CAMK1D: variants seen among roughly 807,000 people sequenced by gnomAD.
CAMK1D encodes calcium/calmodulin-dependent protein kinase type 1D.
A neutral mutation model predicts 47.7 loss-of-function variants in CAMK1D; 9 were observed. The ratio of observed to expected loss-of-function variants is 0.19; its 90% confidence interval spans 0.11 to 0.33. The LOEUF is 0.33. Among genes scored for constraint, CAMK1D ranks in the 10% least tolerant of loss-of-function variants. CAMK1D has a pLI of 1.00. For missense variants in CAMK1D, 291 were observed against 488.7 expected (o/e 0.60, Z 3.81); for synonymous variants, 184 against 184.9 (o/e 0.99, Z 0.04).
At chr10:12,364,237 CTTTTTTTTTTT>C (rs35224750) in intron 1 of CAMK1D, among the ~76,000 whole-genome samples, 1 of 65,316 alleles carries the variant, frequency 1.5e-5, no homozygotes, top group African/African-American at 5.6e-5. Context: ...TGCGCATTCT[CTTTTTTTTTTT>C]TTTTTTTTTT....
Position 12,414,639 on chromosome 10 carries a change from G to T in CAMK1D, c.92+64729G>T, listed in dbSNP as rs574291905. Among the ~76,000 whole-genome samples, 6 of 152,270 alleles carry T rather than the reference G, an allele frequency of 3.9e-5. No homozygotes were observed. The East Asian group carries it at 1.2e-3, about 29-fold the overall frequency. ...GTAGGCACCTTTCTGAAAATGTTCT[G>T]ATGAGCTTTCATCATTGTTTTGGAA... On this transcript the variant is annotated intron_variant, in intron 1 of 10. Coordinates refer to ENST00000619168, the MANE Select transcript of CAMK1D (RefSeq NM_153498.4).
chr10:12,691,871 G>T (rs376906494), intron 3 of CAMK1D, among the ~76,000 whole-genome samples: 1 of 152,044 alleles, frequency 6.6e-6, no homozygotes. Flanking sequence ...TGTGTAATTC[G>T]CGTTACATTT....
chr10:12,391,982 C>T (rs1303475808), intron 1 of CAMK1D, among the ~76,000 whole-genome samples: 4 of 130,532 alleles, frequency 3.1e-5, no homozygotes, highest in Non-Finnish European at 5.2e-5. Context: ...TTAAAACACA[C>T]ACACACACAC....
chr10:12,493,011 G>T (rs1182712957), intron 1 of CAMK1D, among the ~76,000 whole-genome samples: 3 of 152,236 alleles, frequency 2.0e-5, no homozygotes, highest in Admixed American at 6.5e-5. Context: ...CCTGGAAGGT[G>T]CAGGGTACTT....
chr10:12,727,348 C>T (rs913295081), intron 3 of CAMK1D, among the ~76,000 whole-genome samples: 1 of 152,210 alleles, frequency 6.6e-6, no homozygotes, highest in Non-Finnish European at 1.5e-5. Context: ...AAGCAGGCAT[C>T]ACTGGTCTGT....
intron 3 of CAMK1D, among the ~76,000 whole-genome samples, chr10:12,721,537 CATCCATCT>C (rs1834378037): frequency 1.3e-5 from 2 of 151,860 alleles, no homozygotes; most frequent in African/African-American, 2.4e-5. Flanking sequence ...TCCATCCATC[CATCCATCT>C]ATCCATCCAT....
intron 1 of CAMK1D, among the ~76,000 whole-genome samples, chr10:12,483,295 G>C (rs979824320): frequency 1.3e-5 from 2 of 151,052 alleles, no homozygotes; most frequent in Non-Finnish European, 3.0e-5. Flanking sequence ...TCAACCTCCT[G>C]GGCTCAAGCA....
intron 1 of CAMK1D, among the ~76,000 whole-genome samples, chr10:12,448,963 T>C (rs1427970555): frequency 2.6e-5 from 4 of 152,130 alleles, no homozygotes; most frequent in African/African-American, 9.7e-5. Context: ...TCTCATCGGA[T>C]GTTGTGATTT....
At chr10:12,374,498 C>T (rs1380640392) in intron 1 of CAMK1D, among the ~76,000 whole-genome samples, 1 of 152,170 alleles carries the variant, frequency 6.6e-6, no homozygotes, top group East Asian at 1.9e-4. Context: ...CAGAGCCCAC[C>T]ACTGATTCTT....
intron 1 of CAMK1D, among the ~76,000 whole-genome samples, chr10:12,374,691 C>A (rs1172744850): frequency 1.3e-5 from 2 of 151,976 alleles, no homozygotes; most frequent in African/African-American, 4.8e-5. Context: ...GCCTGTAATC[C>A]CAGCACTTTG....
intron 2 of CAMK1D, among the ~76,000 whole-genome samples, chr10:12,665,207 T>G (rs1564476599): frequency 6.6e-6 from 1 of 152,246 alleles, no homozygotes; most frequent in Non-Finnish European, 1.5e-5. Flanking sequence ...ATCTATTGTT[T>G]TAGCTCCTGC....
At chr10:12,667,257 T>G (rs551008038) in intron 3 of CAMK1D, among the ~76,000 whole-genome samples, 6 of 152,350 alleles carry the variant, frequency 3.9e-5, no homozygotes, top group Admixed American at 2.6e-4. Context: ...TTTCTTCCCT[T>G]GTATTATTCC....
At position 12,816,377 on chromosome 10, in the gene CAMK1D, G is replaced by C. The variant is rs189038634; in HGVS notation, c.833+49G>C. The C allele has an allele frequency of 6.3e-5, 93 of 1,465,188 alleles. 1 individual carries two copies. In the East Asian group the frequency reaches 1.7e-3, roughly 27 times the overall value. 90.8% of individuals were successfully genotyped at this position (1,465,188 alleles called of 1,614,324 possible). ...AGACCGTGCCATTTAATGCCATCTG[G>C]GGGGGGCACGAAACTTCCTGTTGGC... is the stretch of plus-strand genomic sequence containing the variant. On this transcript the variant is annotated intron_variant, in intron 8 of 10. Transcript: ENST00000619168.
intron 2 of CAMK1D, among the ~76,000 whole-genome samples, chr10:12,636,920 C>G (rs1371422760): frequency 6.6e-6 from 1 of 152,098 alleles, no homozygotes; most frequent in Non-Finnish European, 1.5e-5. Context: ...GAGGAGCCAC[C>G]GAGCACCAAA....
intron 1 of CAMK1D, among the ~76,000 whole-genome samples, chr10:12,548,182 G>A (rs1178808586): frequency 2.0e-5 from 3 of 152,150 alleles, no homozygotes; most frequent in Non-Finnish European, 4.4e-5. Flanking sequence ...GTAACTTCTT[G>A]TCTGCTTCAT....
At chr10:12,443,448 G>A (rs1401859247) in intron 1 of CAMK1D, among the ~76,000 whole-genome samples, 32 of 151,952 alleles carry the variant, frequency 2.1e-4, no homozygotes, top group Admixed American at 6.6e-5. Context: ...TCGTATAGTC[G>A]TGTTACAGGA....
chr10:12,677,917 A>T (rs1003672913), intron 3 of CAMK1D, among the ~76,000 whole-genome samples: 6 of 152,136 alleles, frequency 3.9e-5, no homozygotes, highest in African/African-American at 1.4e-4. Context: ...TCTGGTTGCT[A>T]CTGCTGCTGC....
rs530824487 is a variant in CAMK1D, at chr10:12,696,341, A to C, written c.299+29531A>C. 1.7e-4 allele frequency among the ~76,000 whole-genome samples: 26 copies of C among 152,278 alleles called. 1 individual carries two copies. Among genetic ancestry groups the C allele is most frequent in the Admixed American group, 1.4e-3 (22 of 15,284 alleles). ...CACTTGAGGTCAGGAGTTTGAGATC[A>C]GCCTGACCAACAAGGCGAAACCCCG... On this transcript the variant is annotated intron_variant, in intron 3 of 10. Transcript: ENST00000619168.
At chr10:12,442,202 C>G (rs1041967511) in intron 1 of CAMK1D, among the ~76,000 whole-genome samples, 6 of 152,148 alleles carry the variant, frequency 3.9e-5, no homozygotes, top group African/African-American at 1.4e-4. Flanking sequence ...AACTTTGAGG[C>G]CGGGCGCGGT....
Sources: gnomAD v4.1 joint callset for allele counts (sites outside exome capture counted in the v4.1 genomes callset) on GRCh38, gnomAD v4.1.1 for gene constraint, MANE v1.5 for transcripts, NCBI Gene and HGNC (gene_info 2026-07-23, HGNC 2026-07-21) for gene names.